The following RP1 variants were observed in gnomAD, a reference collection of about 807,000 sequenced individuals.
The protein encoded by RP1 is oxygen-regulated protein 1.
A neutral mutation model predicts 14.8 loss-of-function variants in RP1; 16 were observed. The observed-to-expected ratio is 1.08, with a 90% confidence interval of 0.73 to 1.65. RP1 has a LOEUF of 1.65. Among genes scored for constraint, RP1 ranks in the 40% most tolerant of loss-of-function variants. RP1 has a pLI of 0.00. For synonymous variants in RP1, 876 were observed against 883.6 expected, an observed-to-expected ratio of 0.99 and a Z score of 0.15; for missense variants, 2,631 against 2,535.0, an observed-to-expected ratio of 1.04 and a Z score of -0.81.
At chr8:54,795,942 T>G (rs1021817621) in intron 24 of RP1, among the ~76,000 whole-genome samples, 1 of 152,246 alleles carries the variant, frequency 6.6e-6, no homozygotes, top group Non-Finnish European at 1.5e-5. Context: ...CTCATTCCTT[T>G]ACCTCTTTCT....
intron 28 of RP1, chr8:54,865,992 C>A: frequency 5.2e-6 from 3 of 581,854 alleles, no homozygotes; most frequent in East Asian, 3.5e-5. Flanking sequence ...CTCCAGCATG[C>A]CTCATCCCAG....
intron 24 of RP1, among the ~76,000 whole-genome samples, chr8:54,786,218 G>A (rs1342672675): frequency 1.3e-5 from 2 of 151,904 alleles, no homozygotes; most frequent in Non-Finnish European, 2.9e-5. Context: ...TGTTTATCTA[G>A]GAAAGTCTTA....
chr8:54,678,640 C>A, intron 9 of RP1: 1 of 850,662 alleles, frequency 1.2e-6, no homozygotes, highest in Non-Finnish European at 1.8e-6. Flanking sequence ...GTCACTGAGT[C>A]TTTGTTGGGT....
At chr8:54,611,933 A>C, upstream of RP1, among the ~76,000 whole-genome samples, 1 of 115,908 alleles carries the variant, frequency 8.6e-6, no homozygotes, top group South Asian at 3.0e-4. Flanking sequence ...CTGCCCCCCA[A>C]CCTTTCTTTT....
At chr8:54,807,978 C>CAA (rs11310545) in intron 24 of RP1, among the ~76,000 whole-genome samples, 1 of 146,664 alleles carries the variant, frequency 6.8e-6, no homozygotes, top group East Asian at 2.0e-4. Flanking sequence ...TGATCTTATC[C>CAA]AAAAAAAAAA....
intron 24 of RP1, among the ~76,000 whole-genome samples, chr8:54,799,124 A>G (rs1025408404): frequency 6.6e-6 from 1 of 152,054 alleles, no homozygotes; most frequent in African/African-American, 2.4e-5. Context: ...TATTTTAAAG[A>G]TGAAATCTTG....
At chr8:54,799,015 G>A (rs11786062) in intron 24 of RP1, among the ~76,000 whole-genome samples, 41,258 of 151,130 alleles carry the variant, frequency 0.27, 6,478 homozygotes, top group Middle Eastern at 0.46. Context: ...TTGCTTTTTC[G>A]GATTTGCTTT....
At chr8:54,777,605 A>G (rs1810074569) in intron 23 of RP1, among the ~76,000 whole-genome samples, 1 of 152,174 alleles carries the variant, frequency 6.6e-6, no homozygotes, top group Admixed American at 6.6e-5. Context: ...GATTAATGAT[A>G]TTTGTCTCCT....
chr8:54,760,994 G>C (rs1271759100), intron 22 of RP1, among the ~76,000 whole-genome samples: 2 of 152,134 alleles, frequency 1.3e-5, no homozygotes, highest in Admixed American at 6.5e-5. Flanking sequence ...CCCACCCACA[G>C]CACACAGGCA....
intron 1 of RP1, among the ~76,000 whole-genome samples, chr8:54,562,571 G>A (rs1032796044): frequency 3.3e-5 from 5 of 152,018 alleles, no homozygotes; most frequent in Non-Finnish European, 7.4e-5. Flanking sequence ...CTACTCAGGA[G>A]GCCGAAGCAG....
At chr8:54,621,885 A>G (rs1805889412) in intron 2 of RP1, among the ~76,000 whole-genome samples, 1 of 152,154 alleles carries the variant, frequency 6.6e-6, no homozygotes, top group Non-Finnish European at 1.5e-5. Flanking sequence ...TAGTATTTTC[A>G]CAGAGGAAGC....
intron 26 of RP1, among the ~76,000 whole-genome samples, chr8:54,855,224 A>T (rs1812162043): frequency 1.3e-5 from 2 of 152,220 alleles, no homozygotes; most frequent in Admixed American, 1.3e-4. Context: ...ATGTTGTAGC[A>T]TGTGACAGGA....
intron 19 of RP1, among the ~76,000 whole-genome samples, chr8:54,752,166 G>A (rs528045510): frequency 6.6e-6 from 1 of 152,174 alleles, no homozygotes; most frequent in African/African-American, 2.4e-5. Flanking sequence ...AAATAAACAA[G>A]AGTTAAATTT....
chr8:54,624,854 T>C lies in RP1; in HGVS notation c.972T>C (p.Ile324=), dbSNP rs1328526581. Residue 324 remains isoleucine (I), a synonymous_variant, in exon 4 of 4, where the codon ATT becomes ATC. Transcript: ENST00000220676. ...AAGATGATATTGAGAAATCAATTAT[T>C]TTTAATCAAGACGGCACTATGACAG... ...PSEDDIEKSI[I]FNQDGTMTVE... is the part of the protein sequence containing the mutation. 1.9e-6 allele frequency: 3 copies of C among 1,613,368 alleles called. No individual in the cohort carries two copies. The highest frequency in any genetic ancestry group is 1.7e-6 in the Non-Finnish European group (2 of 1,179,804).
At chr8:54,794,170 C>G (rs1810529389) in intron 24 of RP1, among the ~76,000 whole-genome samples, 1 of 151,534 alleles carries the variant, frequency 6.6e-6, no homozygotes. Context: ...AAATTCCTAT[C>G]AAAATTTCAA....
chr8:54,600,703 T>G (rs1805255589), intron 1 of RP1, among the ~76,000 whole-genome samples: 1 of 152,190 alleles, frequency 6.6e-6, no homozygotes, highest in African/African-American at 2.4e-5. Flanking sequence ...CCTGGGTATT[T>G]TCCTGTGGTG....
chr8:54,658,914 C>T (rs1471543636), intron 6 of RP1, among the ~76,000 whole-genome samples: 3 of 149,818 alleles, frequency 2.0e-5, no homozygotes, highest in African/African-American at 7.4e-5. Flanking sequence ...TACTGGCCAT[C>T]CTAATGGGTG....
intron 3 of RP1, among the ~76,000 whole-genome samples, chr8:54,639,491 T>G (rs754035353): frequency 4.6e-5 from 7 of 152,184 alleles, no homozygotes; most frequent in Non-Finnish European, 8.8e-5. Context: ...AATTGCCAAC[T>G]CCTTTCAAAA....
chr8:54,633,646 C>T (rs538832440), downstream of RP1, among the ~76,000 whole-genome samples: 20 of 147,914 alleles, frequency 1.4e-4, no homozygotes, highest in African/African-American at 2.7e-4. Flanking sequence ...AGTGTGAATA[C>T]GTTTGATACA....
Sources: gnomAD v4.1 joint callset for allele counts (sites outside exome capture counted in the v4.1 genomes callset) on GRCh38, gnomAD v4.1.1 for gene constraint, MANE v1.5 for transcripts, NCBI Gene and HGNC (gene_info 2026-07-23, HGNC 2026-07-21) for gene names.